NKD1: variants seen among roughly 807,000 people sequenced by gnomAD.
The protein encoded by NKD1 is protein naked cuticle homolog 1.
Under a neutral mutation model 56.0 loss-of-function variants are expected in NKD1, and 21 were observed. The observed-to-expected ratio is 0.38, with a 90% CI of 0.27 to 0.54. NKD1 has a LOEUF of 0.54. Ranked by LOEUF, NKD1 falls within the 20% of genes least tolerant of loss-of-function variation. NKD1 has a pLI of 0.82. For missense variants in NKD1, 578 were observed against 642.7 expected, an observed-to-expected ratio of 0.90 and a Z score of 1.09; for synonymous variants, 263 against 265.7, an observed-to-expected ratio of 0.99 and a Z score of 0.10.
intron 3 of NKD1, among the ~76,000 whole-genome samples, chr16:50,590,779 G>A (rs1170788673): frequency 6.6e-6 from 1 of 152,198 alleles, no homozygotes; most frequent in Non-Finnish European, 1.5e-5. Context: ...CTCCTTTACT[G>A]CCATTATGAG....
intron 3 of NKD1, chr16:50,574,872 A>G: frequency 1.0e-6 from 1 of 985,430 alleles, no homozygotes; most frequent in Non-Finnish European, 1.2e-6. Context: ...ATGGTCTGTG[A>G]ACACCCAAGT....
At chr16:50,584,002 G>A (rs1265690140) in intron 3 of NKD1, among the ~76,000 whole-genome samples, 1 of 152,220 alleles carries the variant, frequency 6.6e-6, no homozygotes, top group Non-Finnish European at 1.5e-5. Flanking sequence ...AACAGGCAGT[G>A]CAGTTGGCAT....
In NKD1 at chr16:50,606,966, G is replaced by A. The variant is rs752708052; in HGVS notation, c.193-1328G>A. ...CGTCTCCCAGCTCCCCTGTCAACTC[G>A]GGCTCTGTTAACACAAACAGCCAGT... is the stretch of plus-strand genomic sequence containing the variant. On this transcript the variant is annotated intron_variant, in intron 3 of 9. Coordinates refer to ENST00000268459, the MANE Select transcript of NKD1 (RefSeq NM_033119.5). 121 of 456,704 alleles carry A rather than the reference G, an allele frequency of 2.6e-4. 1 individual carries two copies. The highest frequency in any genetic ancestry group is 2.1e-3 in the African/African-American group (104 of 50,142). The allele number at this position is 456,704 out of a possible 1,614,324, so 28.3% of individuals were successfully genotyped here.
At chr16:50,617,595 A>G (rs376351993) in intron 4 of NKD1, among the ~76,000 whole-genome samples, 2 of 152,134 alleles carry the variant, frequency 1.3e-5, no homozygotes, top group East Asian at 1.9e-4. Flanking sequence ...TCATTTGGTA[A>G]ACACAGCAAG....
chr16:50,594,359 C>T (rs1360698661), intron 3 of NKD1, among the ~76,000 whole-genome samples: 1 of 152,232 alleles, frequency 6.6e-6, no homozygotes, highest in African/African-American at 2.4e-5. Context: ...TGCCTACTCC[C>T]TGTGAATTCA....
At chr16:50,613,080 C>T (rs1252246997) in intron 4 of NKD1, among the ~76,000 whole-genome samples, 11 of 152,004 alleles carry the variant, frequency 7.2e-5, no homozygotes, top group South Asian at 2.1e-4. Flanking sequence ...ATCAGGGATG[C>T]ATCTTAGACT....
At chr16:50,597,408 T>C (rs1961496423) in intron 3 of NKD1, among the ~76,000 whole-genome samples, 1 of 152,176 alleles carries the variant, frequency 6.6e-6, no homozygotes, top group Non-Finnish European at 1.5e-5. Flanking sequence ...TCATTTGTTT[T>C]AATGGAAAAA....
At chr16:50,612,913 T>C (rs1961878834) in intron 4 of NKD1, among the ~76,000 whole-genome samples, 3 of 152,096 alleles carry the variant, frequency 2.0e-5, no homozygotes, top group African/African-American at 7.2e-5. Context: ...GGACTGCCCA[T>C]GGGCAGGGAG....
intron 3 of NKD1, among the ~76,000 whole-genome samples, chr16:50,578,745 C>T (rs1323019446): frequency 1.3e-5 from 2 of 152,090 alleles, no homozygotes; most frequent in Non-Finnish European, 2.9e-5. Flanking sequence ...CTGTAGTTCT[C>T]CTGGGCAGCT....
intron 3 of NKD1, among the ~76,000 whole-genome samples, chr16:50,587,106 G>A (rs544507917): frequency 2.6e-5 from 4 of 152,290 alleles, no homozygotes; most frequent in East Asian, 1.9e-4. Flanking sequence ...GGCTTGGTAC[G>A]TGCTAGGTAT....
chr16:50,634,071 TG>T lies in NKD1; in HGVS notation c.*292del, dbSNP rs1962416054. On this transcript the variant is annotated 3_prime_UTR_variant, in exon 10 of 10. Coordinates refer to ENST00000268459, the MANE Select transcript of NKD1 (RefSeq NM_033119.5). ...GGGCTCGGGATCTGCAGCATCTATGTGGATCAGCCCACACCCTTCCCAGAGC... is the reference window on the plus strand; with the variant it reads ...GGGCTCGGGATCTGCAGCATCTATGTGATCAGCCCACACCCTTCCCAGAGC... 3.5e-6 allele frequency: 1 copy of T among 286,826 alleles called. No homozygotes were observed. Among genetic ancestry groups the T allele is most frequent in the African/African-American group, 2.2e-5 (1 of 45,636 alleles). 17.8% of individuals were successfully genotyped at this position (286,826 alleles called of 1,614,324 possible).
intron 3 of NKD1, among the ~76,000 whole-genome samples, chr16:50,564,472 A>G (rs936107247): frequency 2.0e-5 from 3 of 152,180 alleles, no homozygotes; most frequent in African/African-American, 7.2e-5. Flanking sequence ...CAGGCATTTA[A>G]TATTCACAAA....
rs142944302 is a variant in NKD1, at chr16:50,599,300, C to T, written c.193-8994C>T. ...TCACCAAGCACTGTACACATACTCTCCATTCCTCTCACAACTGCCCTGCCA... is the reference window on the plus strand; with the variant it reads ...TCACCAAGCACTGTACACATACTCTTCATTCCTCTCACAACTGCCCTGCCA... On this transcript the variant is annotated intron_variant, in intron 3 of 9. Transcript: ENST00000268459. Among the ~76,000 whole-genome samples the T allele has an allele frequency of 1.4e-3, 208 of 152,300 alleles. 3 individuals are homozygous for T. The highest frequency in any genetic ancestry group is 4.4e-3 in the African/African-American group (182 of 41,554).
At chr16:50,560,147 C>T (rs1960591452) in intron 3 of NKD1, among the ~76,000 whole-genome samples, 1 of 152,206 alleles carries the variant, frequency 6.6e-6, no homozygotes, top group Non-Finnish European at 1.5e-5. Flanking sequence ...TTGAAGAGAA[C>T]TACTATAATC....
chr16:50,591,088 G>A (rs1051951563), intron 3 of NKD1, among the ~76,000 whole-genome samples: 6 of 152,142 alleles, frequency 3.9e-5, no homozygotes, highest in Non-Finnish European at 5.9e-5. Context: ...CTCCCAAAGT[G>A]CTGGTATTAC....
chr16:50,646,653 G>GT lies in NKD1; in HGVS notation c.*12873dup, dbSNP rs1368591037. The GT allele has an allele frequency of 6.6e-6, 1 of 152,242 alleles. No individual in the cohort carries two copies. Among genetic ancestry groups the GT allele is most frequent in the Non-Finnish European group, 1.5e-5 (1 of 68,110 alleles). The allele number at this position is 152,242 out of a possible 1,614,324, so 9.4% of individuals were successfully genotyped here. On this transcript the variant is annotated 3_prime_UTR_variant, in exon 10 of 10. Transcript: ENST00000268459. ...CCTTAATGGGGAAAACAAGAACACT[G>GT]TCACTCGTAATGGGCATGAAAGGAC...
intron 4 of NKD1, among the ~76,000 whole-genome samples, chr16:50,611,606 C>A (rs546805926): frequency 6.6e-6 from 1 of 152,262 alleles, no homozygotes; most frequent in Non-Finnish European, 1.5e-5. Context: ...AAGACTGAGG[C>A]CTGGTGGGGG....
At position 50,548,741 on chromosome 16, in the gene NKD1, G is replaced by T; in HGVS notation, c.50G>T (p.Ser17Ile). The T allele has an allele frequency of 7.0e-7, 1 of 1,438,212 alleles. No individual in the cohort carries two copies. The highest frequency in any genetic ancestry group is 9.0e-7 in the Non-Finnish European group (1 of 1,106,538). 89.1% of individuals were successfully genotyped at this position (1,438,212 alleles called of 1,614,324 possible). Residue 17 changes from serine (S) to isoleucine (I), a missense_variant, in exon 2 of 10, where the codon AGC becomes ATC. Ser to Ile is a moderately radical substitution (Grantham distance 142). Transcript: ENST00000268459. Reference protein sequence around the residue: ...KPAAVCKRRESPEGDSFAVSA... With the variant: ...KPAAVCKRREIPEGDSFAVSA... Reference sequence around the variant, plus strand: ...GCCGCCGTGTGCAAGCGCAGGGAGAGCCCGGAAGGTAGGGGCGCGCGGGGC... The same window carrying T: ...GCCGCCGTGTGCAAGCGCAGGGAGATCCCGGAAGGTAGGGGCGCGCGGGGC...
chr16:50,630,754 C>A, intron 7 of NKD1, 72 bp from the exon 8 acceptor site: 1 of 1,362,506 alleles, frequency 7.3e-7, no homozygotes, highest in Non-Finnish European at 1.0e-6. Flanking sequence ...CAGCTGCACG[C>A]CAGGCAGCCC....
Sources: allele counts gnomAD v4.1 joint callset (sites outside exome capture counted in the v4.1 genomes callset), GRCh38; gene constraint gnomAD v4.1.1; transcripts MANE v1.5; gene names NCBI Gene and HGNC (gene_info 2026-07-23, HGNC 2026-07-21).